SKAP2: variants seen among roughly 807,000 people sequenced by gnomAD.
SKAP2 encodes src kinase-associated phosphoprotein 2.
Under a neutral mutation model 54.9 loss-of-function variants are expected in SKAP2, and 28 were observed. The observed-to-expected ratio is 0.51, with a 90% CI of 0.38 to 0.70. SKAP2 has a LOEUF of 0.70. Ranked by LOEUF, SKAP2 falls within the 30% of genes least tolerant of loss-of-function variation. The pLI is 0.00. For missense variants in SKAP2, 356 were observed against 424.1 expected (o/e 0.84, Z 1.41); for synonymous variants, 137 against 134.3 (o/e 1.02, Z -0.14).
chr7:26,755,085 A>C (rs1699141992), intron 4 of SKAP2, among the ~76,000 whole-genome samples: 1 of 152,196 alleles, frequency 6.6e-6, no homozygotes, highest in Admixed American at 6.5e-5. Context: ...CATGATGTAC[A>C]TTCTCACTGA....
At chr7:26,774,789 A>C (rs957165078) in intron 4 of SKAP2, among the ~76,000 whole-genome samples, 5 of 152,206 alleles carry the variant, frequency 3.3e-5, no homozygotes, top group Non-Finnish European at 7.3e-5. Context: ...GATAACACCA[A>C]TAATCTAGAT....
chr7:26,714,102 C>A (rs1787373669), intron 9 of SKAP2, among the ~76,000 whole-genome samples: 1 of 152,128 alleles, frequency 6.6e-6, no homozygotes, highest in African/African-American at 2.4e-5. Context: ...GAAAACCAAA[C>A]TGCCTGAGGA....
At position 26,726,900 on chromosome 7, in the gene SKAP2, A is replaced by G; in HGVS notation, c.576T>C (p.Pro192=). ...KKDCCFEISA[P]DKRIYQFTAA... ...CTACAACCTGATATATACGTTTATC[A>G]GGAGCAGAGATTTCAAAACAGCAAT... Residue 192 remains proline (P), a synonymous_variant, in exon 7 of 13, where the codon CCT becomes CCC. Coordinates refer to ENST00000345317, the MANE Select transcript of SKAP2 (RefSeq NM_003930.5). 2 of 1,609,176 alleles carry G rather than the reference A, an allele frequency of 1.2e-6. No individual in the cohort carries two copies. The highest frequency in any genetic ancestry group is 1.7e-6 in the Non-Finnish European group (2 of 1,177,712).
intron 4 of SKAP2, among the ~76,000 whole-genome samples, chr7:26,800,538 A>T (rs1002223410): frequency 2.0e-5 from 3 of 152,124 alleles, no homozygotes; most frequent in East Asian, 1.9e-4. Flanking sequence ...TTGAAATTTT[A>T]AAAAAATACA....
At chr7:26,792,804 G>A (rs886124026) in intron 4 of SKAP2, among the ~76,000 whole-genome samples, 3 of 152,086 alleles carry the variant, frequency 2.0e-5, no homozygotes, top group Non-Finnish European at 4.4e-5. Context: ...AAGGAGGATG[G>A]TCCATTTAAC....
Position 26,845,465 on chromosome 7 carries a change from T to C in SKAP2, c.200-1328A>G, listed in dbSNP as rs189182972. ...ATAGAGATGGCTATATTGTCATCCTTAGGGATTCTACTACTAGGTACAGTA... is the reference window on the plus strand; with the variant it reads ...ATAGAGATGGCTATATTGTCATCCTCAGGGATTCTACTACTAGGTACAGTA... On this transcript the variant is annotated intron_variant, in intron 3 of 12. Transcript: ENST00000345317. 5.5e-3 allele frequency among the ~76,000 whole-genome samples: 832 copies of C among 152,316 alleles called. 22 individuals are homozygous for C. The highest frequency in any genetic ancestry group is 1.9e-3 in the Non-Finnish European group (130 of 68,024).
At chr7:26,764,805 C>T (rs1366322281) in intron 4 of SKAP2, among the ~76,000 whole-genome samples, 1 of 152,112 alleles carries the variant, frequency 6.6e-6, no homozygotes, top group African/African-American at 2.4e-5. Flanking sequence ...CCCACCTCGG[C>T]CTCCCAAAGT....
At chr7:26,735,196 A>C (rs935101756) in intron 6 of SKAP2, among the ~76,000 whole-genome samples, 1 of 152,140 alleles carries the variant, frequency 6.6e-6, no homozygotes, top group African/African-American at 2.4e-5. Flanking sequence ...CTAGCTAACA[A>C]GTGCCTGAAA....
chr7:26,684,340 T>C (rs372870138), intron 11 of SKAP2, among the ~76,000 whole-genome samples: 117 of 152,258 alleles, frequency 7.7e-4, no homozygotes, highest in Admixed American at 2.1e-3. Context: ...TCTATAAACA[T>C]AGTGTTTCCA....
chr7:26,701,300 C>T (rs776140236), intron 9 of SKAP2, among the ~76,000 whole-genome samples: 63 of 152,192 alleles, frequency 4.1e-4, no homozygotes, highest in Non-Finnish European at 8.1e-4. Flanking sequence ...GAACCACTGT[C>T]TCTAATAAGT....
At chr7:26,692,747 A>T (rs1475679128) in intron 9 of SKAP2, among the ~76,000 whole-genome samples, 4 of 152,186 alleles carry the variant, frequency 2.6e-5, no homozygotes, top group Non-Finnish European at 4.4e-5. Context: ...CTTAAAGGCT[A>T]GCTTTAATAA....
intron 3 of SKAP2, among the ~76,000 whole-genome samples, chr7:26,849,912 T>C (rs930971721): frequency 6.6e-6 from 1 of 152,210 alleles, no homozygotes; most frequent in Non-Finnish European, 1.5e-5. Context: ...ACACCTACTA[T>C]GTACTTTCAC....
At chr7:26,697,339 T>C (rs2127944624) in intron 9 of SKAP2, among the ~76,000 whole-genome samples, 1 of 152,302 alleles carries the variant, frequency 6.6e-6, no homozygotes, top group Middle Eastern at 3.4e-3. Context: ...TGTATATAGG[T>C]TAAAAACAAA....
intron 10 of SKAP2, among the ~76,000 whole-genome samples, chr7:26,686,996 T>C (rs781608226): frequency 6.6e-6 from 1 of 152,006 alleles, no homozygotes; most frequent in African/African-American, 2.4e-5. Context: ...TGTTGTCCCA[T>C]TGCGTTCCCC....
chr7:26,829,157 G>A (rs1338127041), intron 4 of SKAP2, among the ~76,000 whole-genome samples: 2 of 152,148 alleles, frequency 1.3e-5, no homozygotes, highest in African/African-American at 4.8e-5. Flanking sequence ...TAGATACTGA[G>A]AAAATATTTA....
chr7:26,754,965 T>C (rs763104435), intron 4 of SKAP2, among the ~76,000 whole-genome samples: 13 of 152,242 alleles, frequency 8.5e-5, no homozygotes, highest in South Asian at 2.1e-4. Context: ...ATAAATGGCA[T>C]AACACAAGTT....
At position 26,804,100 on chromosome 7, in the gene SKAP2, ATAACT is replaced by A. The variant is rs534012867; in HGVS notation, c.307+39925_307+39929del. 3.3e-5 allele frequency among the ~76,000 whole-genome samples: 5 copies of A among 152,336 alleles called. No individual in the cohort carries two copies. The South Asian group carries it at 8.3e-4, about 25-fold the overall frequency. The stretch of plus-strand genomic sequence containing the variant: ...CAGTAACTTAATTGTATATTTTAAA[ATAACT>A]TAAAGAATGTAATTGGATTATTTGG... On this transcript the variant is annotated intron_variant, in intron 4 of 12. Coordinates refer to ENST00000345317, the MANE Select transcript of SKAP2 (RefSeq NM_003930.5).
intron 3 of SKAP2, among the ~76,000 whole-genome samples, chr7:26,847,654 A>G (rs1261875315): frequency 6.6e-6 from 1 of 152,228 alleles, no homozygotes; most frequent in Non-Finnish European, 1.5e-5. Context: ...CTCAAATGAA[A>G]TGTCTACAGA....
intron 11 of SKAP2, among the ~76,000 whole-genome samples, chr7:26,675,969 C>A (rs2128084849): frequency 6.6e-6 from 1 of 152,326 alleles, no homozygotes; most frequent in Middle Eastern, 3.4e-3. Context: ...TACTTGTAAG[C>A]ACTGAAAGAA....
Sources: gnomAD v4.1 joint callset for allele counts (sites outside exome capture counted in the v4.1 genomes callset) on GRCh38, gnomAD v4.1.1 for gene constraint, MANE v1.5 for transcripts, NCBI Gene and HGNC (gene_info 2026-07-23, HGNC 2026-07-21) for gene names.